The following PRKCB variants were observed in gnomAD, a reference collection of about 807,000 sequenced individuals.
The protein encoded by PRKCB is protein kinase C beta type.
In PRKCB, 13 loss-of-function variants were observed where a neutral mutation model predicts 81.5. The observed-to-expected ratio is 0.16, with a 90% CI of 0.10 to 0.25. The LOEUF is 0.25. Among genes scored for constraint, PRKCB ranks in the 10% least tolerant of loss-of-function variants. The pLI is 1.00. For synonymous variants in PRKCB, 335 were observed against 321.4 expected (o/e 1.04, Z -0.45); for missense variants, 509 against 875.7 (o/e 0.58, Z 5.29).
rs142063003 is a variant in PRKCB, at chr16:24,061,095, C to T, written c.529+25548C>T. On this transcript the variant is annotated intron_variant, in intron 5 of 16. Transcript: ENST00000643927. The stretch of plus-strand genomic sequence containing the variant: ...TTTTTTTTTGAGACAGGGTCTTGCT[C>T]TGTTGCTCAGGCTGGAGTGCAGTGG... Among the ~76,000 whole-genome samples, 141 of 151,694 alleles carry T rather than the reference C, an allele frequency of 9.3e-4. 1 individual carries two copies. In the Middle Eastern group the frequency reaches 0.017, roughly 18 times the overall value.
At chr16:23,842,227 G>T (rs1405546210) in intron 2 of PRKCB, among the ~76,000 whole-genome samples, 1 of 152,124 alleles carries the variant, frequency 6.6e-6, no homozygotes, top group Non-Finnish European at 1.5e-5. Context: ...GTGACCTTGG[G>T]CAAGTCGTCC....
Position 23,873,243 on chromosome 16 carries a change from G to A in PRKCB, c.205+35837G>A, listed in dbSNP as rs143023125. 4.8e-3 allele frequency among the ~76,000 whole-genome samples: 729 copies of A among 150,944 alleles called. 9 individuals carry two copies. Among genetic ancestry groups the A allele is most frequent in the African/African-American group, 0.016 (667 of 41,154 alleles). On this transcript the variant is annotated intron_variant, in intron 2 of 16. Transcript: ENST00000643927. The stretch of plus-strand genomic sequence containing the variant: ...AAGTTAGCTGAGTGTGGTGGTGGGC[G>A]CCTGTAATCCCAGCTACTTGGGAGG...
At chr16:23,887,388 A>G (rs184458708) in intron 2 of PRKCB, among the ~76,000 whole-genome samples, 70 of 152,054 alleles carry the variant, frequency 4.6e-4, no homozygotes, top group Non-Finnish European at 8.2e-4. Flanking sequence ...TGTTGTTTCC[A>G]TATTTGTGTC....
intron 2 of PRKCB, among the ~76,000 whole-genome samples, chr16:23,881,307 C>T (rs909228946): frequency 5.5e-5 from 8 of 146,168 alleles, no homozygotes; most frequent in South Asian, 4.3e-4. Context: ...GGCTGAAGTG[C>T]GGTGGCGCGG....
intron 2 of PRKCB, among the ~76,000 whole-genome samples, chr16:23,952,539 C>T (rs1217809115): frequency 1.3e-5 from 2 of 151,780 alleles, no homozygotes; most frequent in Non-Finnish European, 2.9e-5. Flanking sequence ...GAGGGTGGGG[C>T]GACTGGAGGG....
chr16:24,004,601 G>A (rs1965091630), intron 3 of PRKCB, among the ~76,000 whole-genome samples: 1 of 152,144 alleles, frequency 6.6e-6, no homozygotes, highest in Non-Finnish European at 1.5e-5. Flanking sequence ...GCTGCAATGA[G>A]CTGTGATTGC....
At chr16:24,070,126 C>T (rs1051058797) in intron 5 of PRKCB, among the ~76,000 whole-genome samples, 1 of 151,272 alleles carries the variant, frequency 6.6e-6, no homozygotes, top group African/African-American at 2.4e-5. Flanking sequence ...GTAAGCTTTT[C>T]ATCTTGCAGG....
intron 2 of PRKCB, chr16:23,869,325 C>T (rs992579965): frequency 3.2e-6 from 1 of 312,954 alleles, no homozygotes; most frequent in South Asian, 2.6e-5. Flanking sequence ...CACAGAGCCA[C>T]AGACAACTGC....
intron 9 of PRKCB, among the ~76,000 whole-genome samples, chr16:24,147,378 G>A (rs865998298): frequency 1.7e-4 from 26 of 151,886 alleles, no homozygotes; most frequent in Middle Eastern, 3.5e-3. Context: ...ATGGAAGCAG[G>A]GCCGTGTTTG....
chr16:24,027,951 G>C (rs780346177), intron 3 of PRKCB, among the ~76,000 whole-genome samples: 19 of 151,942 alleles, frequency 1.3e-4, no homozygotes, highest in Non-Finnish European at 2.8e-4. Flanking sequence ...CATATATATA[G>C]TAGAGACAGG....
chr16:23,941,828 G>T (rs1964143794), intron 2 of PRKCB, among the ~76,000 whole-genome samples: 1 of 152,126 alleles, frequency 6.6e-6, no homozygotes, highest in Admixed American at 6.5e-5. Context: ...TCCCATTAAA[G>T]TTAAGAATAA....
chr16:24,151,819 C>A (rs1435906163), intron 9 of PRKCB: 1 of 455,986 alleles, frequency 2.2e-6, no homozygotes, highest in Non-Finnish European at 4.4e-6. Context: ...GCAAGTTAAT[C>A]TCCCTGAGCC....
At chr16:24,032,515 A>G (rs774736930) in intron 4 of PRKCB, among the ~76,000 whole-genome samples, 4 of 152,218 alleles carry the variant, frequency 2.6e-5, no homozygotes, top group Non-Finnish European at 5.9e-5. Flanking sequence ...TTCATAAAGC[A>G]TGAACTCATG....
At chr16:24,025,921 C>G (rs1396364248) in intron 3 of PRKCB, among the ~76,000 whole-genome samples, 1 of 152,154 alleles carries the variant, frequency 6.6e-6, no homozygotes, top group Non-Finnish European at 1.5e-5. Flanking sequence ...AAAATGGGAA[C>G]AAATGATACC....
chr16:24,149,855 A>G (rs1336998555), intron 9 of PRKCB, among the ~76,000 whole-genome samples: 1 of 152,250 alleles, frequency 6.6e-6, no homozygotes, highest in Non-Finnish European at 1.5e-5. Flanking sequence ...ATCCATTCAA[A>G]GTAATATAAA....
intron 10 of PRKCB, among the ~76,000 whole-genome samples, chr16:24,164,919 T>C (rs1596577418): frequency 6.6e-6 from 1 of 152,204 alleles, no homozygotes; most frequent in Non-Finnish European, 1.5e-5. Flanking sequence ...AAGGGTGCTA[T>C]GGAGGGGAAT....
At chr16:23,863,208 A>ATATATACATACATATATATGTG (rs1439837524) in intron 2 of PRKCB, among the ~76,000 whole-genome samples, 4 of 140,214 alleles carry the variant, frequency 2.9e-5, no homozygotes, top group Non-Finnish European at 6.1e-5. Flanking sequence ...ATATATGTGT[A>ATATATACATACATATATATGTG]TATATACATA....
At chr16:24,109,079 G>A (rs1157852523) in intron 7 of PRKCB, among the ~76,000 whole-genome samples, 215 of 144,704 alleles carry the variant, frequency 1.5e-3, no homozygotes, top group Middle Eastern at 3.8e-3. Context: ...CGGGCAGAGG[G>A]GCTCCTCACT....
rs140062455 is a variant in PRKCB at position 24,220,131 on chromosome 16, C to G, written c.*5315C>G. 7.6e-5 allele frequency: 123 copies of G among 1,613,764 alleles called. 1 individual carries two copies. The African/African-American group carries it at 1.3e-3, about 17-fold the overall frequency. On this transcript the variant is annotated 3_prime_UTR_variant, in exon 17 of 17. Coordinates refer to ENST00000643927, the MANE Select transcript of PRKCB (RefSeq NM_002738.7). ...ATGTGTAGGTGAATGCAAACTCCAT[C>G]GTTGAGCCTGGGGTGTAAGACTTCA... is the stretch of plus-strand genomic sequence containing the variant.
Sources: allele counts gnomAD v4.1 joint callset (sites outside exome capture counted in the v4.1 genomes callset), GRCh38; gene constraint gnomAD v4.1.1; transcripts MANE v1.5; gene names NCBI Gene and HGNC (gene_info 2026-07-23, HGNC 2026-07-21).